DDX19B: variants seen among roughly 807,000 people sequenced by gnomAD.
DDX19B encodes the protein ATP-dependent RNA helicase DDX19B.
DDX19B carries 27 observed loss-of-function variants against 58.1 expected under a neutral mutation model. That is an observed-to-expected ratio of 0.46 (90% CI 0.34 to 0.64). DDX19B has a LOEUF of 0.64. DDX19B is among the 30% of genes least tolerant of loss of function. The pLI is 0.01. For missense variants in DDX19B, 399 were observed against 596.5 expected (o/e 0.67, Z 3.45); for synonymous variants, 187 against 214.4 (o/e 0.87, Z 1.12).
chr16:70,303,230 C>T (rs988281762), intron 1 of DDX19B, among the ~76,000 whole-genome samples: 1 of 152,078 alleles, frequency 6.6e-6, no homozygotes, highest in South Asian at 2.1e-4. Flanking sequence ...CTCACTGAAA[C>T]CTCCACCTCC....
chr16:70,320,377 T>G (rs1485176013), intron 5 of DDX19B, among the ~76,000 whole-genome samples: 6 of 150,096 alleles, frequency 4.0e-5, no homozygotes, highest in East Asian at 2.0e-4. Context: ...CCCAGTTTTT[T>G]TTTTTTTTTT....
chr16:70,319,881 C>T (rs1962670470), intron 5 of DDX19B, among the ~76,000 whole-genome samples: 1 of 151,956 alleles, frequency 6.6e-6, no homozygotes, highest in African/African-American at 2.4e-5. Flanking sequence ...AAGAGTGAGA[C>T]CCTGTCTCAA....
At chr16:70,333,187 G>C (rs926487476) in intron 11 of DDX19B, 28 bp downstream of exon 11, 6 of 1,184,390 alleles carry the variant, frequency 5.1e-6, no homozygotes, top group Non-Finnish European at 7.1e-6. Context: ...TCCTGTGCCT[G>C]GCGCCCTTTG....
chr16:70,315,045 G>A (rs1221391626), intron 3 of DDX19B, 90 bp downstream of exon 3: 1 of 1,435,620 alleles, frequency 7.0e-7, no homozygotes, highest in Non-Finnish European at 9.6e-7. Context: ...TACCCAGTTT[G>A]GCTTGACTTT....
intron 3 of DDX19B, chr16:70,315,752 T>C (rs927211074): frequency 7.5e-6 from 4 of 533,102 alleles, no homozygotes; most frequent in Non-Finnish European, 1.2e-5. Context: ...GCTGTTAGAA[T>C]AGAGTCTGGA....
chr16:70,330,998 C>T (rs1963453446), intron 9 of DDX19B, among the ~76,000 whole-genome samples: 1 of 152,060 alleles, frequency 6.6e-6, no homozygotes, highest in Admixed American at 6.6e-5. Context: ...TGAGCTGTGA[C>T]TGTGCACTCC....
upstream of DDX19B, among the ~76,000 whole-genome samples, chr16:70,294,332 C>T (rs558323175): frequency 3.3e-5 from 5 of 152,178 alleles, no homozygotes; most frequent in South Asian, 2.1e-4. Flanking sequence ...CCACCCGCCT[C>T]GGCCTCCCAA....
At chr16:70,312,521 C>T in intron 1 of DDX19B, 88 bp from the exon 2 acceptor site, 1 of 1,176,408 alleles carries the variant, frequency 8.5e-7, no homozygotes, top group Non-Finnish European at 1.3e-6. Flanking sequence ...TATTTTATCC[C>T]CAGCTTCATT....
chr16:70,306,029 C>T (rs1961734066), intron 1 of DDX19B, among the ~76,000 whole-genome samples: 1 of 152,142 alleles, frequency 6.6e-6, no homozygotes, highest in Non-Finnish European at 1.5e-5. Flanking sequence ...TCCCAAAGTG[C>T]TGGGATTACA....
intron 11 of DDX19B, 104 bp downstream of exon 11, chr16:70,333,263 G>T (rs1963574590): frequency 1.5e-6 from 1 of 689,560 alleles, no homozygotes; most frequent in Non-Finnish European, 2.5e-6. Flanking sequence ...TCTGTCCCTA[G>T]CACACTCCCC....
At chr16:70,317,207 C>CA (rs562635193) in intron 4 of DDX19B, 3,245 of 51,026 alleles carry the variant, frequency 0.064, 47 homozygotes, top group Non-Finnish European at 0.086. Flanking sequence ...GACTCTGTCT[C>CA]AAAAAAAAAA....
At chr16:70,310,083 T>C (rs1962005211) in intron 1 of DDX19B, among the ~76,000 whole-genome samples, 1 of 151,072 alleles carries the variant, frequency 6.6e-6, no homozygotes, top group Non-Finnish European at 1.5e-5. Flanking sequence ...AACTCTACAA[T>C]AAAAGATTAG....
intron 1 of DDX19B, among the ~76,000 whole-genome samples, chr16:70,309,833 A>AAAAAAG (rs1961989495): frequency 6.7e-6 from 1 of 149,564 alleles, no homozygotes; most frequent in African/African-American, 2.5e-5. Context: ...AAAAAAAAAA[A>AAAAAAG]AAAAAGAGAA....
chr16:70,297,294 C>A (rs778329226), upstream of DDX19B, among the ~76,000 whole-genome samples: 1 of 152,030 alleles, frequency 6.6e-6, no homozygotes, highest in African/African-American at 2.4e-5. Flanking sequence ...CTCACTGCAA[C>A]CTTTGCCTTC....
At chr16:70,311,400 A>C (rs1282494593) in intron 1 of DDX19B, among the ~76,000 whole-genome samples, 1 of 152,028 alleles carries the variant, frequency 6.6e-6, no homozygotes, top group African/African-American at 2.4e-5. Context: ...CAAACAAAAA[A>C]TTTACGACTA....
chr16:70,313,494 C>G (rs1023761066), intron 2 of DDX19B, among the ~76,000 whole-genome samples: 7 of 151,500 alleles, frequency 4.6e-5, no homozygotes, highest in Non-Finnish European at 7.4e-5. Flanking sequence ...ACACTGATAG[C>G]AAGGGTGTGG....
At chr16:70,308,361 C>A (rs1331893949) in intron 1 of DDX19B, among the ~76,000 whole-genome samples, 3 of 151,834 alleles carry the variant, frequency 2.0e-5, no homozygotes, top group Non-Finnish European at 4.4e-5. Flanking sequence ...TCAAGTGATT[C>A]TCCTGCCTCA....
At chr16:70,302,964 A>G (rs1961557165) in intron 1 of DDX19B, among the ~76,000 whole-genome samples, 4 of 152,164 alleles carry the variant, frequency 2.6e-5, no homozygotes. Flanking sequence ...TTTAACTTAT[A>G]TATCTCCCTA....
chr16:70,312,263 C>A (rs1016735365), intron 1 of DDX19B, among the ~76,000 whole-genome samples: 3 of 152,094 alleles, frequency 2.0e-5, no homozygotes, highest in Non-Finnish European at 2.9e-5. Flanking sequence ...GATTCCCCCC[C>A]ACACACAAAA....
Sources: gnomAD v4.1 joint callset for allele counts (sites outside exome capture counted in the v4.1 genomes callset) on GRCh38, gnomAD v4.1.1 for gene constraint, MANE v1.5 for transcripts, NCBI Gene and HGNC (gene_info 2026-07-23, HGNC 2026-07-21) for gene names.